TENM2: variants seen among roughly 807,000 people sequenced by gnomAD.
TENM2 encodes the protein teneurin-2.
A neutral mutation model predicts 245.2 loss-of-function variants in TENM2; 52 were observed. That is an observed-to-expected ratio of 0.21 (90% CI 0.17 to 0.27). TENM2 has a LOEUF of 0.27. TENM2 is among the 10% of genes least tolerant of loss of function. The pLI is 1.00. For synonymous variants in TENM2, 1,363 were observed against 1,438.9 expected (o/e 0.95, Z 1.19); for missense variants, 3,046 against 3,666.8 (o/e 0.83, Z 4.37).
At chr5:167,416,923 A>C (rs991131641) in intron 2 of TENM2, among the ~76,000 whole-genome samples, 1 of 152,198 alleles carries the variant, frequency 6.6e-6, no homozygotes, top group African/African-American at 2.4e-5. Context: ...ATTCAAATCA[A>C]TCAAATGATG....
At chr5:166,997,639 G>T in the TENM2 span, among the ~76,000 whole-genome samples, 2 of 152,150 alleles carry the variant, frequency 1.3e-5, no homozygotes, top group African/African-American at 4.8e-5. Context: ...ATCAGGTATT[G>T]TACACAGAAG....
chr5:168,229,958 G>T (rs965973778), intron 25 of TENM2: 7 of 152,216 alleles, frequency 4.6e-5, no homozygotes, highest in African/African-American at 1.7e-4. Context: ...TGTAGAAGTT[G>T]ATTATAAGTA....
chr5:167,340,517 G>T (rs1758032521), intron 1 of TENM2, among the ~76,000 whole-genome samples: 1 of 152,148 alleles, frequency 6.6e-6, no homozygotes, highest in Admixed American at 6.5e-5. Context: ...GAGAGGTTTG[G>T]TATCCCTTCC....
the TENM2 span, among the ~76,000 whole-genome samples, chr5:166,983,166 CAT>C: frequency 6.6e-6 from 1 of 152,036 alleles, no homozygotes; most frequent in Non-Finnish European, 1.5e-5. Context: ...AGGTCCTGCT[CAT>C]ATTTCCAAAA....
the TENM2 span, among the ~76,000 whole-genome samples, chr5:167,204,385 C>A: frequency 2.0e-5 from 3 of 152,140 alleles, no homozygotes; most frequent in African/African-American, 7.2e-5. Flanking sequence ...TTAATGTGGA[C>A]AAACCACAGT....
the TENM2 span, among the ~76,000 whole-genome samples, chr5:167,174,814 A>G: frequency 6.7e-6 from 1 of 149,596 alleles, no homozygotes; most frequent in East Asian, 2.0e-4. Context: ...ACTTCTTCCC[A>G]TTTCCTCCCT....
chr5:167,526,260 G>A (rs1304480905), intron 2 of TENM2, among the ~76,000 whole-genome samples: 1 of 151,230 alleles, frequency 6.6e-6, no homozygotes, highest in Non-Finnish European at 1.5e-5. Context: ...TTTAAAACTG[G>A]GATAATAGAG....
At chr5:167,060,742 A>T in the TENM2 span, among the ~76,000 whole-genome samples, 41 of 151,940 alleles carry the variant, frequency 2.7e-4, no homozygotes, top group African/African-American at 9.4e-4. Flanking sequence ...TTCAACATGT[A>T]ATTAATGTAA....
chr5:168,199,211 T>C lies in TENM2; in HGVS notation c.3162+97T>C, dbSNP rs1400900573. 14 of 1,291,782 alleles carry C rather than the reference T, an allele frequency of 1.1e-5. No individual in the cohort carries two copies. In the African/African-American group the frequency reaches 1.8e-4, roughly 17 times the overall value. The allele number at this position is 1,291,782 out of a possible 1,614,324, so 80.0% of individuals were successfully genotyped here. On this transcript the variant is annotated intron_variant, in intron 16 of 28. Coordinates refer to ENST00000518659, the Ensembl canonical transcript of TENM2. ...CCGAGTGGACCAGAAACTAATATTG[T>C]AGGGGAGTAAAAAAAGTGGGAGCAT...
intron 2 of TENM2, among the ~76,000 whole-genome samples, chr5:167,453,898 G>C (rs1235693713): frequency 6.6e-6 from 1 of 152,186 alleles, no homozygotes; most frequent in East Asian, 1.9e-4. Flanking sequence ...ATGTTTTAAA[G>C]TCTTCCTGCA....
In TENM2 at chr5:168,233,050, G is replaced by A. The variant is rs528241057; in HGVS notation, c.5520+4920G>A. ...GCCTTGCAAAAACATGAAGCAGGCC[G>A]GGCGTGGTGTCTCACGCCTGTAATC... On this transcript the variant is annotated intron_variant, in intron 25 of 28. Transcript: ENST00000518659. Among the ~76,000 whole-genome samples the A allele has an allele frequency of 1.4e-3, 210 of 152,284 alleles. 1 individual carries two copies. Among genetic ancestry groups the A allele is most frequent in the African/African-American group, 4.1e-3 (169 of 41,570 alleles).
chr5:167,601,032 C>T (rs1479113302), intron 2 of TENM2, among the ~76,000 whole-genome samples: 2 of 152,206 alleles, frequency 1.3e-5, no homozygotes, highest in Admixed American at 6.5e-5. Context: ...TTTTGCCAGG[C>T]TCTGAGGTTA....
At chr5:167,629,177 T>G (rs1778706319) in intron 2 of TENM2, among the ~76,000 whole-genome samples, 2 of 152,124 alleles carry the variant, frequency 1.3e-5, no homozygotes, top group Non-Finnish European at 2.9e-5. Flanking sequence ...GTCAAAAGGT[T>G]TAGTGTTAAC....
At chr5:167,648,006 C>T (rs1478848525) in intron 2 of TENM2, among the ~76,000 whole-genome samples, 3 of 152,196 alleles carry the variant, frequency 2.0e-5, no homozygotes, top group Non-Finnish European at 2.9e-5. Flanking sequence ...GTCCAAAAAG[C>T]AATCCTCAGG....
chr5:167,731,850 A>G lies in TENM2; in HGVS notation c.503-144136A>G, dbSNP rs1278687331. The stretch of plus-strand genomic sequence containing the variant: ...TACCTTGTCACAATGCCTGGCAAAA[A>G]GTAGGTGCTCATTAAATATTTCTTA... On this transcript the variant is annotated intron_variant, in intron 2 of 28. Transcript: ENST00000518659. 2.0e-5 allele frequency among the ~76,000 whole-genome samples: 3 copies of G among 152,072 alleles called. No individual in the cohort carries two copies. In the South Asian group the frequency reaches 6.2e-4, roughly 31 times the overall value.
chr5:167,022,147 AAAGAG>A, the TENM2 span, among the ~76,000 whole-genome samples: 1 of 152,226 alleles, frequency 6.6e-6, no homozygotes, highest in African/African-American at 2.4e-5. Context: ...ATTATCAAAG[AAAGAG>A]AAGAGGAAAT....
chr5:168,155,721 C>T (rs1757094655), intron 12 of TENM2, among the ~76,000 whole-genome samples: 1 of 152,028 alleles, frequency 6.6e-6, no homozygotes, highest in African/African-American at 2.4e-5. Flanking sequence ...AAATGACCTA[C>T]ACTTCAGCCT....
At chr5:167,055,102 T>TAGATTTTTTGAGTCTATATG in the TENM2 span, among the ~76,000 whole-genome samples, 1 of 152,152 alleles carries the variant, frequency 6.6e-6, no homozygotes, top group Non-Finnish European at 1.5e-5. Flanking sequence ...GTCATCGCCA[T>TAGATTTTTTGAGTCTATATG]ACTCAAGGTC....
At chr5:168,195,405 T>C in intron 15 of TENM2, 110 bp downstream of exon 17, 1 of 1,307,632 alleles carries the variant, frequency 7.6e-7, no homozygotes. Context: ...GACTGGAATG[T>C]CCACCAGGCC....
Sources: allele counts gnomAD v4.1 joint callset (sites outside exome capture counted in the v4.1 genomes callset), GRCh38; gene constraint gnomAD v4.1.1; transcripts MANE v1.5; gene names NCBI Gene and HGNC (gene_info 2026-07-23, HGNC 2026-07-21).